Variants in ARAP2 observed in about 807,000 individuals in gnomAD.
ARAP2 encodes ArfGAP with RhoGAP domain, ankyrin repeat and PH domain 2.
A neutral mutation model predicts 194.5 loss-of-function variants in ARAP2; 148 were observed. That is an observed-to-expected ratio of 0.76 (90% CI 0.67 to 0.87). ARAP2 has a LOEUF of 0.87. ARAP2 is among the 40% of genes least tolerant of loss of function. ARAP2 has a pLI of 0.00. For synonymous variants in ARAP2, 695 were observed against 683.5 expected (o/e 1.02, Z -0.26); for missense variants, 2,128 against 1,989.7 (o/e 1.07, Z -1.32).
intron 1 of ARAP2, among the ~76,000 whole-genome samples, chr4:36,234,538 A>T (rs1340054662): frequency 6.6e-6 from 1 of 152,140 alleles, no homozygotes; most frequent in Non-Finnish European, 1.5e-5. Context: ...TGTTCCATAG[A>T]TAGTGTAATA....
rs758837814 is a variant in ARAP2 at position 36,147,381 on chromosome 4, A to G, written c.3200-22T>C. On this transcript the variant is annotated intron_variant, in intron 18 of 32. Coordinates refer to ENST00000303965, the MANE Select transcript of ARAP2 (RefSeq NM_015230.4). Reference sequence around the variant, plus strand: ...ATTGCTGAAGGGAGAATGAAAAGCAAAAATTTATTTTTTAAAACACTGTAA... The same window carrying G: ...ATTGCTGAAGGGAGAATGAAAAGCAGAAATTTATTTTTTAAAACACTGTAA... 70 of 1,611,140 alleles carry G rather than the reference A, an allele frequency of 4.3e-5. No individual in the cohort carries two copies. In the East Asian group the frequency reaches 1.5e-3, roughly 35 times the overall value.
At chr4:36,032,638 T>G (rs1719183875) in intron 5 of ARAP2, among the ~76,000 whole-genome samples, 1 of 152,208 alleles carries the variant, frequency 6.6e-6, no homozygotes, top group African/African-American at 2.4e-5. Context: ...CATTATGACA[T>G]TTTCTTACCT....
chr4:36,234,120 C>G (rs1352869678), intron 1 of ARAP2, among the ~76,000 whole-genome samples: 1 of 152,210 alleles, frequency 6.6e-6, no homozygotes, highest in African/African-American at 2.4e-5. Flanking sequence ...TCAAATGCAT[C>G]ACATTCACTC....
At chr4:36,228,482 A>G in intron 2 of ARAP2, 100 bp downstream of exon 2, 1 of 1,267,626 alleles carries the variant, frequency 7.9e-7, no homozygotes, top group Non-Finnish European at 1.1e-6. Flanking sequence ...GTAAATGAAT[A>G]CAGTCAAATT....
chr4:36,157,040 T>C (rs1356041878), intron 15 of ARAP2, among the ~76,000 whole-genome samples: 1 of 152,148 alleles, frequency 6.6e-6, no homozygotes, highest in Non-Finnish European at 1.5e-5. Flanking sequence ...AAGAAAATAT[T>C]AAAGAAGACT....
In ARAP2 at chr4:36,209,858, G is replaced by T. The variant is rs189107336; in HGVS notation, c.1487+532C>A. 4.9e-4 allele frequency among the ~76,000 whole-genome samples: 74 copies of T among 152,212 alleles called. No homozygotes were observed. In the East Asian group the frequency reaches 7.3e-3, roughly 15 times the overall value. On this transcript the variant is annotated intron_variant, in intron 6 of 32. Transcript: ENST00000303965. Reference sequence around the variant, plus strand: ...GTAAACATTTGTTGATAAATCCAAAGAAAAGTATAATATTCACGGGACTCT... The same window carrying T: ...GTAAACATTTGTTGATAAATCCAAATAAAAGTATAATATTCACGGGACTCT...
intron 20 of ARAP2, among the ~76,000 whole-genome samples, chr4:36,131,563 AAT>A: frequency 6.6e-6 from 1 of 151,656 alleles, no homozygotes; most frequent in East Asian, 1.9e-4. Context: ...AAGTTGTTAT[AAT>A]ATATGAGTTT....
chr4:36,238,036 C>A (rs1484223575), intron 1 of ARAP2, among the ~76,000 whole-genome samples: 15 of 152,186 alleles, frequency 9.9e-5, no homozygotes, highest in Non-Finnish European at 1.5e-5. Context: ...TGCTTAGCCC[C>A]CAGAAAAAGT....
chr4:36,027,053 C>G (rs367904754), intron 5 of ARAP2, among the ~76,000 whole-genome samples: 1 of 152,136 alleles, frequency 6.6e-6, no homozygotes, highest in South Asian at 2.1e-4. Flanking sequence ...GGGACTAATC[C>G]GAGTGTGAAC....
chr4:36,210,779 T>C (rs543440655), intron 5 of ARAP2, 36 bp from the exon 6 acceptor site: 7 of 1,415,450 alleles, frequency 4.9e-6, no homozygotes, highest in African/African-American at 2.9e-5. Flanking sequence ...TTCAAAGTGC[T>C]ATATGTGATT....
At chr4:36,056,340 C>T (rs1486503975) in intron 2 of ARAP2, among the ~76,000 whole-genome samples, 1 of 152,128 alleles carries the variant, frequency 6.6e-6, no homozygotes, top group Non-Finnish European at 1.5e-5. Flanking sequence ...TGAAGCTTAC[C>T]ATTTTGTTGG....
chr4:36,095,579 AAAAAAGGG>A (rs1714934974), intron 27 of ARAP2, among the ~76,000 whole-genome samples: 1 of 152,168 alleles, frequency 6.6e-6, no homozygotes, highest in East Asian at 1.9e-4. Flanking sequence ...CTGTGTGCAT[AAAAAAGGG>A]TAGCTCCTTT....
At chr4:36,105,801 T>C (rs572697284) in intron 27 of ARAP2, among the ~76,000 whole-genome samples, 1 of 151,968 alleles carries the variant, frequency 6.6e-6, no homozygotes, top group Admixed American at 6.6e-5. Context: ...ACTTATAACA[T>C]AGCCTTTTAG....
chr4:36,032,139 G>C (rs1719086628), intron 5 of ARAP2, among the ~76,000 whole-genome samples: 1 of 152,188 alleles, frequency 6.6e-6, no homozygotes, highest in Non-Finnish European at 1.5e-5. Context: ...TCAGAATAAA[G>C]GAATCAGTGG....
At chr4:36,042,615 A>G (rs1056096104) in intron 5 of ARAP2, among the ~76,000 whole-genome samples, 1 of 152,122 alleles carries the variant, frequency 6.6e-6, no homozygotes, top group Non-Finnish European at 1.5e-5. Context: ...CACTGTTTCT[A>G]TTTTTTAGAT....
At chr4:36,005,602 G>A (rs1713119913) in intron 10 of ARAP2, 1 of 152,080 alleles carries the variant, frequency 6.6e-6, no homozygotes, top group African/African-American at 2.4e-5. Flanking sequence ...ACCCACAAAT[G>A]AGGCTAGTCA....
chr4:36,113,258 T>C (rs1342846690), intron 26 of ARAP2, among the ~76,000 whole-genome samples: 2 of 151,976 alleles, frequency 1.3e-5, no homozygotes, highest in East Asian at 1.9e-4. Flanking sequence ...GGAGACACTG[T>C]GAACTGACAT....
At chr4:36,175,059 G>A (rs1449715771) in intron 9 of ARAP2, among the ~76,000 whole-genome samples, 1 of 152,118 alleles carries the variant, frequency 6.6e-6, no homozygotes, top group African/African-American at 2.4e-5. Context: ...TTCTATTCAT[G>A]CTATTAAGTT....
At chr4:36,217,699 A>C (rs909388238) in intron 2 of ARAP2, among the ~76,000 whole-genome samples, 9 of 151,944 alleles carry the variant, frequency 5.9e-5, no homozygotes, top group Non-Finnish European at 1.3e-4. Context: ...ACCAAAACCT[A>C]GAATTAAATC....
Sources: gnomAD v4.1 joint callset for allele counts (sites outside exome capture counted in the v4.1 genomes callset) on GRCh38, gnomAD v4.1.1 for gene constraint, MANE v1.5 for transcripts, NCBI Gene and HGNC (gene_info 2026-07-23, HGNC 2026-07-21) for gene names.